Variants in AGBL4 observed in about 807,000 individuals in gnomAD.
AGBL4 encodes AGBL carboxypeptidase 4.
In AGBL4, 58 loss-of-function variants were observed where a neutral mutation model predicts 66.4. That is an observed-to-expected ratio of 0.87 (90% CI 0.71 to 1.09). AGBL4 has a LOEUF of 1.09. Among genes scored for constraint, AGBL4 ranks in the 50% least tolerant of loss-of-function variants. The pLI, the probability that AGBL4 is intolerant of heterozygous loss-of-function variation, is 0.00. For missense variants in AGBL4, 579 were observed against 631.0 expected, an observed-to-expected ratio of 0.92 and a Z score of 0.88; for synonymous variants, 234 against 222.9, an observed-to-expected ratio of 1.05 and a Z score of -0.44.
intron 11 of AGBL4, among the ~76,000 whole-genome samples, chr1:48,559,445 G>A (rs1243255608): frequency 1.3e-5 from 2 of 152,070 alleles, no homozygotes; most frequent in African/African-American, 4.8e-5. Flanking sequence ...TCAGCATGGT[G>A]TAGTAGAAAA....
chr1:49,031,003 A>G (rs1447561201), intron 5 of AGBL4, among the ~76,000 whole-genome samples: 1 of 119,362 alleles, frequency 8.4e-6, no homozygotes, highest in Non-Finnish European at 2.2e-5. Context: ...GATAGCAGAA[A>G]TAAATCTTGG....
chr1:48,589,434 C>T (rs913193511), intron 10 of AGBL4, among the ~76,000 whole-genome samples: 7 of 152,150 alleles, frequency 4.6e-5, no homozygotes, highest in Non-Finnish European at 2.9e-5. Context: ...ATTGCTATGA[C>T]CTTTGTGGGC....
chr1:49,939,741 G>A (rs898726605), intron 1 of AGBL4, among the ~76,000 whole-genome samples: 1 of 152,006 alleles, frequency 6.6e-6, no homozygotes, highest in African/African-American at 2.4e-5. Flanking sequence ...CTAAAACCAT[G>A]AATAACCTAG....
At chr1:49,666,865 C>T (rs1646381360) in intron 3 of AGBL4, among the ~76,000 whole-genome samples, 1 of 151,950 alleles carries the variant, frequency 6.6e-6, no homozygotes, top group Non-Finnish European at 1.5e-5. Context: ...CAGCTGGAGC[C>T]AAAATTTGAA....
chr1:48,955,688 G>A (rs1420999416), intron 5 of AGBL4, among the ~76,000 whole-genome samples: 11 of 152,066 alleles, frequency 7.2e-5, no homozygotes, highest in Admixed American at 6.6e-4. Flanking sequence ...TGGCCCCTGG[G>A]CCTCTAGTTT....
At chr1:49,179,634 T>A (rs1646893349) in intron 4 of AGBL4, among the ~76,000 whole-genome samples, 1 of 151,628 alleles carries the variant, frequency 6.6e-6, no homozygotes, top group Non-Finnish European at 1.5e-5. Context: ...TGGCTGCAAT[T>A]TATAGGAAGA....
chr1:48,575,244 G>A (rs1452548269), intron 11 of AGBL4, among the ~76,000 whole-genome samples: 1 of 152,060 alleles, frequency 6.6e-6, no homozygotes, highest in Non-Finnish European at 1.5e-5. Context: ...CAAACTTCTG[G>A]CCAGACAGTA....
chr1:49,518,313 G>T (rs2148796307), intron 3 of AGBL4, among the ~76,000 whole-genome samples: 1 of 152,066 alleles, frequency 6.6e-6, no homozygotes, highest in Non-Finnish European at 1.5e-5. Context: ...TCTTCCCATG[G>T]GCGGTTTCTC....
intron 6 of AGBL4, among the ~76,000 whole-genome samples, chr1:48,696,257 G>A (rs370989454): frequency 1.3e-5 from 2 of 152,164 alleles, no homozygotes; most frequent in South Asian, 2.1e-4. Flanking sequence ...AAGAGGCCAC[G>A]TGAGCAATCA....
chr1:48,558,619 C>T (rs569673307), intron 11 of AGBL4, among the ~76,000 whole-genome samples: 43 of 152,328 alleles, frequency 2.8e-4, no homozygotes, highest in Admixed American at 2.7e-3. Context: ...GTGGGATATC[C>T]ACCAGGAGCT....
chr1:48,706,759 T>C (rs1184064970), intron 6 of AGBL4, among the ~76,000 whole-genome samples: 1 of 152,222 alleles, frequency 6.6e-6, no homozygotes, highest in Admixed American at 6.5e-5. Context: ...GACTAAATGA[T>C]GAGTGCATTA....
At position 48,750,090 on chromosome 1, in the gene AGBL4, C is replaced by T. The variant is rs758450617; in HGVS notation, c.635-86849G>A. 1.2e-4 allele frequency among the ~76,000 whole-genome samples: 18 copies of T among 152,324 alleles called. No individual in the cohort carries two copies. In the Middle Eastern group the frequency reaches 0.01, roughly 86 times the overall value. On this transcript the variant is annotated intron_variant, in intron 6 of 13. Coordinates refer to ENST00000371839, the MANE Select transcript of AGBL4 (RefSeq NM_032785.4). ...AATCAATCCATGACCCTGACCTCTG[C>T]TGATACTCCCTTCAGGCCATGAGCC...
At chr1:48,590,720 A>C in intron 10 of AGBL4, 113 bp downstream of exon 10, 1 of 1,216,182 alleles carries the variant, frequency 8.2e-7, no homozygotes, top group Non-Finnish European at 1.1e-6. Context: ...ACAATACCTA[A>C]CACAGAGTTA....
chr1:49,040,989 C>T (rs1336765942), intron 5 of AGBL4, among the ~76,000 whole-genome samples: 1 of 152,074 alleles, frequency 6.6e-6, no homozygotes, highest in African/African-American at 2.4e-5. Context: ...ATGTCCTTAT[C>T]TTAAATGGCA....
chr1:48,848,708 T>C (rs1646970959), intron 6 of AGBL4, among the ~76,000 whole-genome samples: 1 of 152,200 alleles, frequency 6.6e-6, no homozygotes. Flanking sequence ...CTGCATTCTT[T>C]GGGCACTGTG....
chr1:49,934,357 A>T (rs527588042), intron 1 of AGBL4, among the ~76,000 whole-genome samples: 19 of 152,356 alleles, frequency 1.2e-4, no homozygotes, highest in African/African-American at 3.8e-4. Context: ...ACCGAAGCAC[A>T]CATGGAACAT....
At chr1:48,987,857 ACT>A (rs1660297739) in intron 5 of AGBL4, among the ~76,000 whole-genome samples, 1 of 151,758 alleles carries the variant, frequency 6.6e-6, no homozygotes, top group South Asian at 2.1e-4. Context: ...ACAAGATAAA[ACT>A]CTATCCATCC....
chr1:49,789,713 C>T (rs1644547460), intron 2 of AGBL4, among the ~76,000 whole-genome samples: 1 of 152,142 alleles, frequency 6.6e-6, no homozygotes, highest in Non-Finnish European at 1.5e-5. Flanking sequence ...ATTCCACGCT[C>T]ATGGATAGGA....
chr1:49,392,394 G>T (rs150066821), intron 3 of AGBL4, among the ~76,000 whole-genome samples: 77 of 152,298 alleles, frequency 5.1e-4, no homozygotes, highest in African/African-American at 1.8e-3. Context: ...AGTTAAGCCA[G>T]GAACCGTGTT....
Sources: allele counts gnomAD v4.1 joint callset (sites outside exome capture counted in the v4.1 genomes callset), GRCh38; gene constraint gnomAD v4.1.1; transcripts MANE v1.5; gene names NCBI Gene and HGNC (gene_info 2026-07-23, HGNC 2026-07-21).